Variants in RABL6 observed in about 807,000 individuals in gnomAD.
RABL6 encodes the protein RAB, member RAS oncogene family like 6.
A neutral mutation model predicts 72.9 loss-of-function variants in RABL6; 28 were observed. The ratio of observed to expected loss-of-function variants is 0.38; its 90% CI spans 0.28 to 0.53. The LOEUF (loss-of-function observed/expected upper bound fraction) is 0.53. Ranked by LOEUF, RABL6 falls within the 20% of genes least tolerant of loss-of-function variation. RABL6 has a pLI of 0.80. For synonymous variants in RABL6, 477 were observed against 421.2 expected (o/e 1.13, Z -1.62); for missense variants, 1,029 against 1,008.4 (o/e 1.02, Z -0.28).
In RABL6 at chr9:136,832,418, C is replaced by T. The variant is rs114311447; in HGVS notation, c.705+48C>T. ...GGAGTGGCTGCTGGTCTCTCACCTCCTTCCAGGTGTCTCCTGTGTAGCAAC... is the reference window on the plus strand; with the variant it reads ...GGAGTGGCTGCTGGTCTCTCACCTCTTTCCAGGTGTCTCCTGTGTAGCAAC... On this transcript the variant is annotated intron_variant, in intron 7 of 14. Transcript: ENST00000311502. 4.5e-3 allele frequency: 6,379 copies of T among 1,417,650 alleles called. 153 individuals are homozygous for T. Among genetic ancestry groups the T allele is most frequent in the South Asian group, 0.042 (3,676 of 86,926 alleles). 87.8% of individuals were successfully genotyped at this position (1,417,650 alleles called of 1,614,324 possible).
chr9:136,832,197 C>T (rs1411519224), intron 6 of RABL6, 68 bp from the exon 7 acceptor site: 8 of 1,410,664 alleles, frequency 5.7e-6, no homozygotes, highest in Non-Finnish European at 8.0e-6. Flanking sequence ...CAGCTGTGGG[C>T]CCAGGGGTGA....
At position 136,834,722 on chromosome 9, in the gene RABL6, C is replaced by T. The variant is rs181368590; in HGVS notation, c.706-1020C>T. Among the ~76,000 whole-genome samples, 431 of 152,182 alleles carry T rather than the reference C, an allele frequency of 2.8e-3. 2 individuals are homozygous for T. Among genetic ancestry groups the T allele is most frequent in the African/African-American group, 9.8e-3 (406 of 41,524 alleles). On this transcript the variant is annotated intron_variant, in intron 7 of 14. Transcript: ENST00000311502. Reference sequence around the variant, plus strand: ...TCGATCTCTTGACCTCGTGATCTGCCCGCCTTGGCCCCCCCAAAGTGCTGG... The same window carrying T: ...TCGATCTCTTGACCTCGTGATCTGCTCGCCTTGGCCCCCCCAAAGTGCTGG...
chr9:136,837,366 C>T lies in RABL6; in HGVS notation c.830C>T (p.Ala277Val). 18 of 1,603,836 alleles carry T rather than the reference C, an allele frequency of 1.1e-5. No homozygotes were observed. The highest frequency in any genetic ancestry group is 1.5e-5 in the Non-Finnish European group (18 of 1,176,136). ...TTCAGCTTCCTGGAGATGATGGAGG[C>T]TCGCAGCCGTGGCCATGCGTCCCCA... ...NYGIFLEMME[A>V]RSRGHASPLA... The change falls in exon 9 of 15, where the codon GCT becomes GTT. Residue 277 changes from alanine (A) to valine (V), a missense_variant. Ala to Val is a moderately conservative substitution (Grantham distance 64). This residue lies in a region of RABL6 where 434 missense variants were observed against 536.1 expected (regional missense o/e 0.81). Transcript: ENST00000311502.
chr9:136,808,037 G>A lies in RABL6; in HGVS notation c.-160G>A, dbSNP rs1309539182. ...CCGCGGCTGAGGTTCCCGAGTCGCCGCTCGGGGCTGCGCTCCGCCGCCGGG... is the reference window on the plus strand; with the variant it reads ...CCGCGGCTGAGGTTCCCGAGTCGCCACTCGGGGCTGCGCTCCGCCGCCGGG... On this transcript the variant is annotated 5_prime_UTR_variant, in exon 1 of 15. Transcript: ENST00000311502. 3.8e-6 allele frequency: 4 copies of A among 1,057,348 alleles called. No homozygotes were observed. The highest frequency in any genetic ancestry group is 1.7e-5 in the African/African-American group (1 of 58,512). The allele number at this position is 1,057,348 out of a possible 1,614,324, so 65.5% of individuals were successfully genotyped here. A position where few individuals can be genotyped will look rare whatever the true frequency, so the allele number is the denominator to read the frequency against.
intron 1 of RABL6, among the ~76,000 whole-genome samples, chr9:136,811,306 C>T (rs1423455924): frequency 6.6e-6 from 1 of 151,970 alleles, no homozygotes; most frequent in Non-Finnish European, 1.5e-5. Context: ...GCTTCCAGGT[C>T]GGAGGTAGTT....
intron 1 of RABL6, chr9:136,821,715 G>A (rs1848241615): frequency 4.8e-6 from 5 of 1,047,966 alleles, no homozygotes; most frequent in Admixed American, 5.7e-5. Flanking sequence ...CTGCGGCTCC[G>A]CTTGGGGCTG....
Position 136,808,322 on chromosome 9 carries a change from C to T in RABL6, c.126C>T (p.Tyr42=). The T allele has an allele frequency of 6.5e-7, 1 of 1,535,062 alleles. No individual in the cohort carries two copies. Residue 42 remains tyrosine, a synonymous_variant, in exon 1 of 15, where the codon TAC becomes TAT. Transcript: ENST00000311502. ...GGCGCTTCGCCAAGGGGGTGCAGTACAACAGTGAGTGCGGCGGGCCGGGGG... is the reference window on the plus strand; with the variant it reads ...GGCGCTTCGCCAAGGGGGTGCAGTATAACAGTGAGTGCGGCGGGCCGGGGG... ...LQRRFAKGVQ[Y]NMKIVIRGDR... is the part of the protein sequence containing the mutation.
chr9:136,840,420 G>GCGCAGCAGGGAGAGGA lies in RABL6; in HGVS notation c.2091_2106dup (p.Ala703GlnfsTer9). The stretch of plus-strand genomic sequence containing the variant: ...GGCGACGGCGGCAGCAGCGGCCCCC[G>GCGCAGCAGGGAGAGGA]CGCAGCAGGGAGAGGACGGCTGCCG... On this transcript the variant is annotated frameshift_variant, in exon 15 of 15. Coordinates refer to ENST00000311502, the MANE Select transcript of RABL6 (RefSeq NM_024718.5). LOFTEE classifies it low-confidence loss of function (END_TRUNC). 6.5e-7 allele frequency: 1 copy of GCGCAGCAGGGAGAGGA among 1,549,960 alleles called. No homozygotes were observed.
chr9:136,816,586 A>G (rs1001134594), intron 1 of RABL6, among the ~76,000 whole-genome samples: 2 of 151,958 alleles, frequency 1.3e-5, no homozygotes, highest in Non-Finnish European at 2.9e-5. Context: ...TGTGATGGGC[A>G]CATGCCTGTA....
In RABL6 at chr9:136,838,011, G is replaced by A. The variant is rs748737776; in HGVS notation, c.1276G>A (p.Asp426Asn). The A allele has an allele frequency of 7.7e-6, 12 of 1,558,642 alleles. No homozygotes were observed. Among genetic ancestry groups the A allele is most frequent in the African/African-American group, 2.7e-5 (2 of 73,426 alleles). The stretch of plus-strand genomic sequence containing the variant: ...GGCCAAGGCTGCCCAGCAGGACAGC[G>A]ACAGGTGAGGGGTGGGCCTGGGCCT... Reference protein sequence around the residue: ...VGAKAAQQDSDSDGEALGGNP... With the variant: ...VGAKAAQQDSNSDGEALGGNP... Residue 426 changes from aspartate (D) to asparagine (N), a missense_variant, in exon 10 of 15, where the codon GAC (aspartate) becomes AAC (asparagine). Asp to Asn is a conservative substitution (Grantham distance 23). Around this residue, in one of 2 missense-constraint regions of RABL6, gnomAD observed 595 missense variants for 472.4 expected, o/e 1.26. Coordinates refer to ENST00000311502, the MANE Select transcript of RABL6 (RefSeq NM_024718.5).
intron 2 of RABL6, among the ~76,000 whole-genome samples, chr9:136,824,045 A>G (rs769118573): frequency 1.7e-4 from 26 of 152,216 alleles, no homozygotes; most frequent in Non-Finnish European, 3.8e-4. Context: ...AGAAACAGTA[A>G]TAAGACCTTT....
intron 3 of RABL6, chr9:136,828,016 C>G (rs1848393852): frequency 6.4e-6 from 1 of 156,408 alleles, no homozygotes; most frequent in African/African-American, 2.4e-5. Flanking sequence ...GGCTGGAATC[C>G]CTGCCCCCCT....
chr9:136,810,434 A>T (rs1410318096), intron 1 of RABL6, among the ~76,000 whole-genome samples: 1 of 152,240 alleles, frequency 6.6e-6, no homozygotes, highest in Non-Finnish European at 1.5e-5. Context: ...ATTTGTACCT[A>T]AATTACATTT....
At chr9:136,822,817 A>T (rs951994225) in intron 1 of RABL6, among the ~76,000 whole-genome samples, 2 of 152,188 alleles carry the variant, frequency 1.3e-5, no homozygotes, top group Non-Finnish European at 2.9e-5. Context: ...CAGGGCTCGC[A>T]GTGGCTCACG....
At chr9:136,827,688 CT>C (rs1200775949) in intron 3 of RABL6, 3 of 152,370 alleles carry the variant, frequency 2.0e-5, no homozygotes, top group Non-Finnish European at 4.4e-5. Flanking sequence ...GGCTGACCCC[CT>C]GACTGGGTTA....
Position 136,838,216 on chromosome 9 carries a change from C to A in RABL6, c.1280+201C>A, listed in dbSNP as rs965269422. On this transcript the variant is annotated intron_variant, in intron 10 of 14. Transcript: ENST00000311502. Reference sequence around the variant, plus strand: ...GCTTCCAGACATCAGAAAGGCCTGGCCACCTGCTCTGCCCACACCCTGGAG... The same window carrying A: ...GCTTCCAGACATCAGAAAGGCCTGGACACCTGCTCTGCCCACACCCTGGAG... Among the ~76,000 whole-genome samples the A allele has an allele frequency of 3.3e-5, 5 of 152,214 alleles. No homozygotes were observed. In the South Asian group the frequency reaches 1.0e-3, roughly 32 times the overall value.
chr9:136,833,855 C>G (rs760543943), intron 7 of RABL6: 1 of 1,550,524 alleles, frequency 6.4e-7, no homozygotes, highest in Non-Finnish European at 8.7e-7. Context: ...TTGTCCTGTG[C>G]CGGCACTGCT....
chr9:136,816,663 G>T (rs1007246113), intron 1 of RABL6, among the ~76,000 whole-genome samples: 1 of 147,548 alleles, frequency 6.8e-6, no homozygotes, highest in African/African-American at 2.5e-5. Flanking sequence ...GTTGCAGTGG[G>T]TCGAGATCGC....
chr9:136,823,098 A>G (rs1447334495), intron 1 of RABL6, among the ~76,000 whole-genome samples: 1 of 152,004 alleles, frequency 6.6e-6, no homozygotes, highest in Non-Finnish European at 1.5e-5. Flanking sequence ...AAAAAAAAAA[A>G]AAAAAAGACT....
Sources: gnomAD v4.1 joint callset for allele counts (sites outside exome capture counted in the v4.1 genomes callset) on GRCh38, gnomAD v4.1.1 for gene constraint, gnomAD v4.1.1 regional missense constraint, MANE v1.5 for transcripts, NCBI Gene and HGNC (gene_info 2026-07-23, HGNC 2026-07-21) for gene names.